Variants in PNISR observed in about 807,000 individuals in gnomAD.
PNISR encodes the protein PNN interacting serine and arginine rich protein.
In PNISR, 20 loss-of-function variants were observed where a neutral mutation model predicts 93.4. The ratio of observed to expected loss-of-function variants is 0.21; its 90% CI spans 0.15 to 0.31. The LOEUF (loss-of-function observed/expected upper bound fraction) is 0.31. Among genes scored for constraint, PNISR ranks in the 10% least tolerant of loss-of-function variants. The pLI is 1.00. For missense variants in PNISR, 893 were observed against 985.4 expected (o/e 0.91, Z 1.25); for synonymous variants, 305 against 306.5 (o/e 0.99, Z 0.05).
rs1266329455 is a variant in PNISR, at chr6:99,410,581, TA to T, written c.501+159del. 1.3e-5 allele frequency: 7 copies of T among 537,256 alleles called. No homozygotes were observed. In the Admixed American group the frequency reaches 2.3e-4, roughly 18 times the overall value. 33.3% of individuals were successfully genotyped at this position (537,256 alleles called of 1,614,324 possible). ...AATAAAAAAATCAGAAAACAAATTC[TA>T]ATTATTTTAATACTCAAAAATTGAT... On this transcript the variant is annotated intron_variant, in intron 5 of 11. Transcript: ENST00000369239.
chr6:99,410,750 A>C lies in PNISR; in HGVS notation c.492T>G (p.Phe164Leu). Residue 164 changes from phenylalanine (F) to leucine (L), a missense_variant, in exon 5 of 12, where the codon TTT becomes TTG. By Grantham distance (22) the Phe-to-Leu change is conservative. This residue lies in a region of PNISR where 866 missense variants were observed against 935.1 expected (regional missense o/e 0.93). Coordinates refer to ENST00000369239, the MANE Select transcript of PNISR (RefSeq NM_032870.4). Reference sequence around the variant, plus strand: ...ACAAAATATCTTTCACCTGATAGTCAAACTGGTTCACTGGCCCCACTGCAA... The same window carrying C: ...ACAAAATATCTTTCACCTGATAGTCCAACTGGTTCACTGGCCCCACTGCAA... ...DNFAVGPVNQ[F>L]DYQHGAAFGP... 6.2e-7 allele frequency: 1 copy of C among 1,612,742 alleles called. No individual in the cohort carries two copies. Among genetic ancestry groups the C allele is most frequent in the Middle Eastern group, 1.7e-4 (1 of 6,060 alleles).
intron 2 of PNISR, chr6:99,415,110 G>T (rs1196481657): frequency 2.6e-5 from 4 of 152,218 alleles, no homozygotes; most frequent in African/African-American, 4.8e-5. Context: ...AAAAAATGAA[G>T]AATGTAGAAC....
At position 99,404,662 on chromosome 6, in the gene PNISR, T is replaced by A. The variant is rs1342074609; in HGVS notation, c.1043A>T (p.Asp348Val). 3.1e-6 allele frequency: 5 copies of A among 1,605,536 alleles called. No individual in the cohort carries two copies. In the African/African-American group the frequency reaches 5.3e-5, roughly 17 times the overall value. ...TKMLLTEILL[D>V]VTDEEIYYVA... ...GTAATAAATTTCTTCATCTGTGACA[T>A]CCAGCAGAATTTCTGTTAGAAGCAT... Residue 348 changes from aspartate (D) to valine (V), a missense_variant, in exon 9 of 12, where the codon GAT becomes GTT. Transcript: ENST00000369239.
intron 1 of PNISR, among the ~76,000 whole-genome samples, chr6:99,420,935 G>T (rs1430700059): frequency 6.6e-6 from 1 of 152,152 alleles, no homozygotes; most frequent in Non-Finnish European, 1.5e-5. Flanking sequence ...ATAATGTTTT[G>T]TCCATGTTAA....
At chr6:99,412,944 C>G (rs902315305) in intron 3 of PNISR, among the ~76,000 whole-genome samples, 2 of 151,758 alleles carry the variant, frequency 1.3e-5, no homozygotes, top group East Asian at 3.9e-4. Context: ...AGCAAATAAC[C>G]CATATTCAGG....
intron 6 of PNISR, 49 bp downstream of exon 6, chr6:99,409,124 T>TA (rs1160443896): frequency 4.2e-6 from 6 of 1,439,274 alleles, no homozygotes; most frequent in South Asian, 1.2e-5. Context: ...TTTTATATGA[T>TA]AAAAAAGTCA....
In PNISR at chr6:99,400,868, CTTTTT is replaced by C; in HGVS notation, c.2085_2089del (p.Lys696GlyfsTer6). ...ACTGAACTTAAAATCTTTTTCTTCC[CTTTTT>C]TGTTTCTCTTTTCTTTTATCCTGTT... is the stretch of plus-strand genomic sequence containing the variant. On this transcript the variant is annotated frameshift_variant, in exon 12 of 12. Transcript: ENST00000369239. LOFTEE classifies it high-confidence loss of function. The C allele has an allele frequency of 6.3e-7, 1 of 1,595,380 alleles. No homozygotes were observed. Among genetic ancestry groups the C allele is most frequent in the Non-Finnish European group, 8.6e-7 (1 of 1,168,466 alleles).
In PNISR at chr6:99,418,168, C is replaced by T. The variant is rs1041948337; in HGVS notation, c.-111-1740G>A. 1.1e-4 allele frequency among the ~76,000 whole-genome samples: 17 copies of T among 151,492 alleles called. 1 individual carries two copies. Among genetic ancestry groups the T allele is most frequent in the Admixed American group, 9.9e-4 (15 of 15,214 alleles). On this transcript the variant is annotated intron_variant, in intron 1 of 11. Coordinates refer to ENST00000369239, the MANE Select transcript of PNISR (RefSeq NM_032870.4). ...TTATATTTTTTTTGAGAGGCAGTCT[C>T]GCTCTGTCGCCCAGGCTGGAGTGCA...
Position 99,399,873 on chromosome 6 carries a change from G to C in PNISR, c.*667C>G, listed in dbSNP as rs1775255907. On this transcript the variant is annotated 3_prime_UTR_variant, in exon 12 of 12. Coordinates refer to ENST00000369239, the MANE Select transcript of PNISR (RefSeq NM_032870.4). ...ATTTTCTTTGGGGGAGGTGAGAGAAGGTACCTTTAAAACCTGTTATACAAA... is the reference window on the plus strand; with the variant it reads ...ATTTTCTTTGGGGGAGGTGAGAGAACGTACCTTTAAAACCTGTTATACAAA... The C allele has an allele frequency of 6.6e-6, 1 of 152,042 alleles. No homozygotes were observed. Among genetic ancestry groups the C allele is most frequent in the Non-Finnish European group, 1.5e-5 (1 of 67,994 alleles). The allele number at this position is 152,042 out of a possible 1,614,324, so 9.4% of individuals were successfully genotyped here. A position where few individuals can be genotyped will look rare whatever the true frequency, so the allele number is the denominator to read the frequency against.
chr6:99,407,036 A>G (rs564239533), intron 7 of PNISR, among the ~76,000 whole-genome samples: 1 of 152,228 alleles, frequency 6.6e-6, no homozygotes, highest in South Asian at 2.1e-4. Context: ...TTTTTAAAAA[A>G]AGACTGGACA....
At chr6:99,417,024 G>A (rs928459867) in intron 1 of PNISR, among the ~76,000 whole-genome samples, 10 of 152,152 alleles carry the variant, frequency 6.6e-5, no homozygotes, top group Admixed American at 2.0e-4. Flanking sequence ...CTGTTTAAAG[G>A]CTAATGATGA....
chr6:99,416,931 T>A (rs957070814), intron 1 of PNISR, among the ~76,000 whole-genome samples: 1 of 152,232 alleles, frequency 6.6e-6, no homozygotes, highest in Non-Finnish European at 1.5e-5. Flanking sequence ...AATTTATTCA[T>A]CCTTTTATCT....
At chr6:99,405,711 C>T (rs1441371071) in intron 8 of PNISR, among the ~76,000 whole-genome samples, 2 of 151,974 alleles carry the variant, frequency 1.3e-5, no homozygotes, top group African/African-American at 4.8e-5. Flanking sequence ...ACTGCAGGTG[C>T]ACCTCACTAT....
At chr6:99,415,005 G>C (rs1777488499) in intron 2 of PNISR, 1 of 157,690 alleles carries the variant, frequency 6.3e-6, no homozygotes, top group East Asian at 1.8e-4. Flanking sequence ...GGAAAAAAGT[G>C]ATTTCATTTC....
chr6:99,411,665 A>T (rs910509598), intron 4 of PNISR: 2 of 152,480 alleles, frequency 1.3e-5, no homozygotes, highest in African/African-American at 4.8e-5. Context: ...CCCAGGCTGG[A>T]GTGCAGTGGC....
chr6:99,412,824 ATTCC>A, intron 3 of PNISR, 85 bp from the exon 4 acceptor site: 2 of 824,550 alleles, frequency 2.4e-6, no homozygotes, highest in South Asian at 5.3e-5. Context: ...CAGCTCAACT[ATTCC>A]TTAGATCTTA....
At chr6:99,402,511 C>T in intron 11 of PNISR, 29 bp downstream of exon 11, 5 of 1,462,396 alleles carry the variant, frequency 3.4e-6, no homozygotes, top group South Asian at 3.0e-5. Flanking sequence ...AAAACTGGAC[C>T]AAAATTAAGT....
intron 1 of PNISR, 75 bp from the exon 2 acceptor site, chr6:99,416,503 A>AT (rs749247432): frequency 6.1e-5 from 28 of 457,050 alleles, no homozygotes; most frequent in Non-Finnish European, 6.8e-5. Flanking sequence ...GAGATGCAAC[A>AT]TAAGTGTGAT....
chr6:99,405,884 A>G (rs763186943), intron 8 of PNISR, 147 bp downstream of exon 8: 2 of 521,884 alleles, frequency 3.8e-6, no homozygotes, highest in South Asian at 3.2e-5. Context: ...AAAGGTTTCT[A>G]TAATTGTTTT....
Sources: gnomAD v4.1 joint callset for allele counts (sites outside exome capture counted in the v4.1 genomes callset) on GRCh38, gnomAD v4.1.1 for gene constraint, gnomAD v4.1.1 regional missense constraint, MANE v1.5 for transcripts, NCBI Gene and HGNC (gene_info 2026-07-23, HGNC 2026-07-21) for gene names.